The following CDKAL1 variants were observed in gnomAD, a reference collection of about 807,000 sequenced individuals.
CDKAL1 encodes threonylcarbamoyladenosine tRNA methylthiotransferase.
In CDKAL1, 32 loss-of-function variants were observed where a neutral mutation model predicts 68.2. The observed-to-expected ratio is 0.47, with a 90% CI of 0.35 to 0.63. The LOEUF (loss-of-function observed/expected upper bound fraction) is 0.63, where lower values mean the gene tolerates loss of function less well. Ranked by LOEUF, CDKAL1 falls within the 30% of genes least tolerant of loss-of-function variation. CDKAL1 has a pLI of 0.00. For missense variants in CDKAL1, 606 were observed against 696.7 expected, an observed-to-expected ratio of 0.87 and a Z score of 1.47; for synonymous variants, 234 against 244.3, an observed-to-expected ratio of 0.96 and a Z score of 0.39.
intron 5 of CDKAL1, among the ~76,000 whole-genome samples, chr6:20,712,526 TGAAAA>T (rs1208510639): frequency 4.9e-5 from 7 of 143,300 alleles, no homozygotes; most frequent in African/African-American, 1.0e-4. Context: ...AGAAGTGAAA[TGAAAA>T]GAAAAGAAAA....
At chr6:20,694,062 ATGTGTGTGTGTGTGTGTGTG>A (rs55981799) in intron 5 of CDKAL1, among the ~76,000 whole-genome samples, 1 of 128,962 alleles carries the variant, frequency 7.8e-6, no homozygotes, top group African/African-American at 2.7e-5. Context: ...GTGTGTGTGT[ATGTGTGTGTGTGTGTGTGTG>A]TGTGTGTGTG....
At chr6:20,790,891 A>C (rs767944107) in intron 8 of CDKAL1, among the ~76,000 whole-genome samples, 1 of 152,198 alleles carries the variant, frequency 6.6e-6, no homozygotes, top group Non-Finnish European at 1.5e-5. Context: ...TACACAAAAA[A>C]GGTTAAAATG....
chr6:20,872,225 ATAAT>A (rs1171433428), intron 9 of CDKAL1, among the ~76,000 whole-genome samples: 1 of 152,210 alleles, frequency 6.6e-6, no homozygotes, highest in African/African-American at 2.4e-5. Context: ...GTGTGTGAAA[ATAAT>A]TCATTATTAC....
Position 21,002,985 on chromosome 6 carries a change from C to G in CDKAL1, c.1055+2613C>G, listed in dbSNP as rs149567620. ...GCCTGGGTGACAGAGTGAGACCTAT[C>G]TCAAAAAATAAAAAAGTGATCCTTG... On this transcript the variant is annotated intron_variant, in intron 11 of 15. Coordinates refer to ENST00000274695, the MANE Select transcript of CDKAL1 (RefSeq NM_017774.3). 1.8e-3 allele frequency among the ~76,000 whole-genome samples: 273 copies of G among 150,656 alleles called. 2 individuals carry two copies. In the East Asian group the frequency reaches 0.031, roughly 17 times the overall value.
chr6:21,034,903 T>C (rs1769488286), intron 11 of CDKAL1, among the ~76,000 whole-genome samples: 1 of 152,186 alleles, frequency 6.6e-6, no homozygotes, highest in African/African-American at 2.4e-5. Context: ...GGTGTAAAAA[T>C]TCATTTTAGG....
In CDKAL1 at chr6:20,998,136, C is replaced by T. The variant is rs529512072; in HGVS notation, c.910-2091C>T. Among the ~76,000 whole-genome samples the T allele has an allele frequency of 3.9e-5, 6 of 152,306 alleles. No individual in the cohort carries two copies. In the South Asian group the frequency reaches 1.2e-3, roughly 32 times the overall value. On this transcript the variant is annotated intron_variant, in intron 10 of 15. Transcript: ENST00000274695. Reference sequence around the variant, plus strand: ...ATGTCTAAAGCTGTGAGTGCTGCCACTTTAGAAAACAAAGATCTTTGTACA... The same window carrying T: ...ATGTCTAAAGCTGTGAGTGCTGCCATTTTAGAAAACAAAGATCTTTGTACA...
intron 13 of CDKAL1, among the ~76,000 whole-genome samples, chr6:21,127,361 T>C (rs1010261394): frequency 2.0e-5 from 3 of 152,218 alleles, no homozygotes; most frequent in Non-Finnish European, 4.4e-5. Context: ...TACATGTCGA[T>C]ATAGAGGAAT....
chr6:20,857,234 A>T (rs1759382907), intron 9 of CDKAL1, among the ~76,000 whole-genome samples: 1 of 152,232 alleles, frequency 6.6e-6, no homozygotes, highest in South Asian at 2.1e-4. Flanking sequence ...ACTTTTAAAA[A>T]TACGTCCTCT....
chr6:20,817,593 A>G (rs888700750), intron 8 of CDKAL1, among the ~76,000 whole-genome samples: 1 of 152,200 alleles, frequency 6.6e-6, no homozygotes, highest in African/African-American at 2.4e-5. Context: ...CAGACTGTTC[A>G]CAACCTGCAG....
chr6:20,555,625 G>GTTTT (rs61408771), intron 4 of CDKAL1, among the ~76,000 whole-genome samples: 2 of 123,702 alleles, frequency 1.6e-5, no homozygotes, highest in African/African-American at 6.2e-5. Context: ...AGCCAGAGTT[G>GTTTT]TTTTTTTTTT....
At chr6:20,789,769 A>G (rs530562265) in intron 8 of CDKAL1, among the ~76,000 whole-genome samples, 57 of 152,328 alleles carry the variant, frequency 3.7e-4, no homozygotes, top group African/African-American at 1.3e-3. Flanking sequence ...ATTGGGTAGA[A>G]TGGTCAACAC....
chr6:20,952,455 A>G (rs1386861821), intron 9 of CDKAL1, among the ~76,000 whole-genome samples: 1 of 152,200 alleles, frequency 6.6e-6, no homozygotes, highest in East Asian at 1.9e-4. Flanking sequence ...GGATGGATGC[A>G]AAGGGTCCAG....
intron 4 of CDKAL1, among the ~76,000 whole-genome samples, chr6:20,637,780 G>A (rs1392947150): frequency 1.3e-5 from 2 of 152,006 alleles, no homozygotes; most frequent in East Asian, 3.9e-4. Flanking sequence ...GTGTGTTTCT[G>A]GTATACATCC....
intron 12 of CDKAL1, among the ~76,000 whole-genome samples, chr6:21,093,312 C>G (rs1271212535): frequency 6.6e-6 from 1 of 152,088 alleles, no homozygotes; most frequent in African/African-American, 2.4e-5. Context: ...GATTTTGTAC[C>G]CACCAAAGTA....
intron 13 of CDKAL1, among the ~76,000 whole-genome samples, chr6:21,170,888 C>T (rs1340477731): frequency 6.6e-6 from 1 of 152,104 alleles, no homozygotes; most frequent in Non-Finnish European, 1.5e-5. Context: ...GTTTACAGCC[C>T]TGTCATTAAT....
chr6:21,013,388 T>C (rs1223361598), intron 11 of CDKAL1, among the ~76,000 whole-genome samples: 2 of 152,192 alleles, frequency 1.3e-5, no homozygotes, highest in Non-Finnish European at 2.9e-5. Context: ...TTTAAGTACA[T>C]TTATGTGGGT....
rs1476495916 is a variant in CDKAL1 at position 21,113,308 on chromosome 6, A to T, written c.1299+4845A>T. ...AAGTCTCAGGAACTGCTGCTTCTTA[A>T]TAAGGTAGGGTAAATGAAGTATTAC... On this transcript the variant is annotated intron_variant, in intron 13 of 15. Transcript: ENST00000274695. Among the ~76,000 whole-genome samples, 3 of 152,108 alleles carry T rather than the reference A, an allele frequency of 2.0e-5. No individual in the cohort carries two copies. In the East Asian group the frequency reaches 5.8e-4, roughly 29 times the overall value.
chr6:20,649,236 AT>A (rs1768631134), intron 4 of CDKAL1, 56 bp from the exon 5 acceptor site: 2 of 1,204,778 alleles, frequency 1.7e-6, no homozygotes, highest in Non-Finnish European at 2.4e-6. Context: ...GCCACTGGAT[AT>A]TTTTGAATGA....
chr6:20,705,762 T>C (rs1388828967), intron 5 of CDKAL1, among the ~76,000 whole-genome samples: 1 of 152,184 alleles, frequency 6.6e-6, no homozygotes, highest in African/African-American at 2.4e-5. Context: ...TACTAGTTTT[T>C]AGCAGATCTA....
Sources: gnomAD v4.1 joint callset for allele counts (sites outside exome capture counted in the v4.1 genomes callset) on GRCh38, gnomAD v4.1.1 for gene constraint, MANE v1.5 for transcripts, NCBI Gene and HGNC (gene_info 2026-07-23, HGNC 2026-07-21) for gene names.